The following TPCN2 variants were observed in gnomAD, a reference collection of about 807,000 sequenced individuals.
TPCN2 encodes the protein two pore channel protein 2.
In TPCN2, 92 loss-of-function variants were observed where a neutral mutation model predicts 111.4. That is an observed-to-expected ratio of 0.83 (90% CI 0.70 to 0.98). TPCN2 has a LOEUF of 0.98. TPCN2 is among the 50% of genes least tolerant of loss of function. The pLI, the probability that TPCN2 is intolerant of heterozygous loss-of-function variation, is 0.00. For missense variants in TPCN2, 995 were observed against 980.1 expected (o/e 1.02, Z -0.20); for synonymous variants, 405 against 414.5 (o/e 0.98, Z 0.28).
rs529682823 is a variant in TPCN2, at chr11:69,049,994, C to T, written c.109+888C>T. ...CCACTCTGAGAATTCACACCTGGCT[C>T]CTTCCCTCTCTGGCCTCTCTTTCCT... is the stretch of plus-strand genomic sequence containing the variant. On this transcript the variant is annotated intron_variant, in intron 1 of 24. Transcript: ENST00000294309. 8.5e-5 allele frequency among the ~76,000 whole-genome samples: 13 copies of T among 152,344 alleles called. No homozygotes were observed. The South Asian group carries it at 2.1e-3, about 24-fold the overall frequency.
chr11:69,059,171 T>C (rs1321152248), intron 5 of TPCN2, among the ~76,000 whole-genome samples: 1 of 152,160 alleles, frequency 6.6e-6, no homozygotes, highest in African/African-American at 2.4e-5. Flanking sequence ...GTCCTGCCTT[T>C]GGAAGGCTGG....
intron 13 of TPCN2, among the ~76,000 whole-genome samples, chr11:69,076,652 C>T (rs71464360): frequency 5.6e-5 from 6 of 107,212 alleles, no homozygotes; most frequent in East Asian, 4.1e-4. Context: ...GCCCTCCTGC[C>T]GTGTCCCTCC....
chr11:69,087,204 C>T lies in TPCN2; in HGVS notation c.2178C>T (p.Phe726=), dbSNP rs779989215. Residue 726 remains phenylalanine, a splice_region_variant and synonymous_variant, in exon 24 of 25, where the codon TTC becomes TTT. Transcript: ENST00000294309. ...ACCAGATGACTGTGGAGCTCCTGTT[C>T]AGGTGTGTGGGTGGGGAAGGCGCTT... ...ATYQMTVELL[F]RDILEEPGED... 5.6e-6 allele frequency: 9 copies of T among 1,613,606 alleles called. No homozygotes were observed. The South Asian group carries it at 8.8e-5, about 16-fold the overall frequency.
Position 69,087,225 on chromosome 11 carries a change from C to G in TPCN2, c.2180+19C>G, listed in dbSNP as rs375848652. 2.0e-5 allele frequency: 32 copies of G among 1,609,546 alleles called. No homozygotes were observed. The African/African-American group carries it at 3.6e-4, about 18-fold the overall frequency. On this transcript the variant is annotated intron_variant, in intron 24 of 24. Coordinates refer to ENST00000294309, the MANE Select transcript of TPCN2 (RefSeq NM_139075.4). ...TGTTCAGGTGTGTGGGTGGGGAAGGCGCTTCTGTCTGGCCCCCTGGGATGG... is the reference window on the plus strand; with the variant it reads ...TGTTCAGGTGTGTGGGTGGGGAAGGGGCTTCTGTCTGGCCCCCTGGGATGG...
chr11:69,081,362 TG>T, intron 17 of TPCN2, 37 bp from the exon 18 acceptor site: 2 of 1,449,208 alleles, frequency 1.4e-6, no homozygotes, highest in Non-Finnish European at 1.9e-6. Context: ...GTGGGGCTCC[TG>T]GGCTCCTCCC....
At chr11:69,072,769 A>C in intron 12 of TPCN2, 61 bp downstream of exon 12, 1 of 1,597,590 alleles carries the variant, frequency 6.3e-7, no homozygotes, top group South Asian at 1.1e-5. Flanking sequence ...TTGGGCCAGC[A>C]GCCCCTTTTC....
intron 18 of TPCN2, among the ~76,000 whole-genome samples, chr11:69,082,567 T>C (rs1306363239): frequency 6.6e-6 from 1 of 152,224 alleles, no homozygotes; most frequent in East Asian, 1.9e-4. Context: ...GTAAGACGCA[T>C]GATCGTGTGT....
intron 7 of TPCN2, among the ~76,000 whole-genome samples, chr11:69,065,993 G>T (rs536303568): frequency 6.6e-6 from 1 of 152,238 alleles, no homozygotes; most frequent in South Asian, 2.1e-4. Flanking sequence ...GGAGCGTGAG[G>T]CCTGCTGGGA....
chr11:69,050,540 G>A (rs576924617), intron 1 of TPCN2, among the ~76,000 whole-genome samples: 13 of 152,290 alleles, frequency 8.5e-5, no homozygotes, highest in African/African-American at 2.9e-4. Flanking sequence ...ACCACACTTG[G>A]CTAATTTTTG....
At chr11:69,055,465 G>C in intron 4 of TPCN2, 113 bp downstream of exon 4, 1 of 1,167,434 alleles carries the variant, frequency 8.6e-7, no homozygotes, top group South Asian at 1.6e-5. Flanking sequence ...CCCAGACTTT[G>C]TACTTTGACC....
intron 16 of TPCN2, 200 bp from the exon 17 acceptor site, chr11:69,079,634 C>T: frequency 3.5e-6 from 2 of 565,490 alleles, no homozygotes; most frequent in Admixed American, 6.4e-5. Context: ...CCCCCGATTC[C>T]TGAGGCCAGG....
chr11:69,067,812 C>T (rs1457462852), intron 8 of TPCN2, among the ~76,000 whole-genome samples: 2 of 152,014 alleles, frequency 1.3e-5, no homozygotes, highest in South Asian at 2.1e-4. Flanking sequence ...CTCTCTTGTC[C>T]CTTCTCTTTC....
Position 69,086,486 on chromosome 11 carries a change from C to T in TPCN2, c.2004-37C>T, listed in dbSNP as rs760630633. On this transcript the variant is annotated intron_variant, in intron 22 of 24. Transcript: ENST00000294309. ...TTGTATCGAGTGCTCTTGCTTTGCTCATCGTGGTTCACAGGGTGGGTCTCT... is the reference window on the plus strand; with the variant it reads ...TTGTATCGAGTGCTCTTGCTTTGCTTATCGTGGTTCACAGGGTGGGTCTCT... 5.1e-6 allele frequency: 8 copies of T among 1,579,812 alleles called. No homozygotes were observed. In the African/African-American group the frequency reaches 8.1e-5, roughly 16 times the overall value.
At chr11:69,053,985 G>T in intron 1 of TPCN2, 48 bp from the exon 2 acceptor site, 3 of 1,520,308 alleles carry the variant, frequency 2.0e-6, no homozygotes, top group Non-Finnish European at 2.7e-6. Context: ...TGGAGGGTGA[G>T]GCCATGTCAT....
At chr11:69,066,851 C>T (rs900749150) in intron 7 of TPCN2, among the ~76,000 whole-genome samples, 5 of 152,170 alleles carry the variant, frequency 3.3e-5, no homozygotes, top group Non-Finnish European at 7.3e-5. Context: ...CCAGTGAGAG[C>T]CCCGGGCCCG....
At chr11:69,082,568 G>T (rs1856068028) in intron 18 of TPCN2, among the ~76,000 whole-genome samples, 2 of 152,158 alleles carry the variant, frequency 1.3e-5, no homozygotes, top group South Asian at 4.1e-4. Context: ...TAAGACGCAT[G>T]ATCGTGTGTG....
chr11:69,080,507 G>A (rs1024611031), intron 17 of TPCN2, among the ~76,000 whole-genome samples: 2 of 152,238 alleles, frequency 1.3e-5, no homozygotes, highest in Admixed American at 6.5e-5. Flanking sequence ...TGCCCTGAGA[G>A]CGTGGCTCTG....
intron 16 of TPCN2, 91 bp from the exon 17 acceptor site, chr11:69,079,743 T>G: frequency 8.4e-7 from 1 of 1,196,132 alleles, no homozygotes; most frequent in South Asian, 1.4e-5. Flanking sequence ...TTGGGGAGAA[T>G]GTGTTAGAGA....
chr11:69,066,400 C>T (rs932176223), intron 7 of TPCN2, among the ~76,000 whole-genome samples: 13 of 152,314 alleles, frequency 8.5e-5, no homozygotes, highest in Admixed American at 5.2e-4. Flanking sequence ...TGCCTGACAG[C>T]GCTCCCTGCC....
Sources: allele counts gnomAD v4.1 joint callset (sites outside exome capture counted in the v4.1 genomes callset), GRCh38; gene constraint gnomAD v4.1.1; transcripts MANE v1.5; gene names NCBI Gene and HGNC (gene_info 2026-07-23, HGNC 2026-07-21).